Variants in DACH1 observed in about 807,000 individuals in gnomAD.
The protein encoded by DACH1 is dachshund family transcription factor 1, also known as dachshund homolog 1.
A neutral mutation model predicts 54.2 loss-of-function variants in DACH1; 12 were observed. The observed-to-expected ratio is 0.22, with a 90% CI of 0.14 to 0.36. The LOEUF (loss-of-function observed/expected upper bound fraction) is 0.36, where lower values mean the gene tolerates loss of function less well. Ranked by LOEUF, DACH1 falls within the 10% of genes least tolerant of loss-of-function variation. The pLI is 1.00. For synonymous variants in DACH1, 386 were observed against 366.2 expected, an observed-to-expected ratio of 1.05 and a Z score of -0.62; for missense variants, 805 against 929.8, an observed-to-expected ratio of 0.87 and a Z score of 1.75.
intron 1 of DACH1, among the ~76,000 whole-genome samples, chr13:71,803,577 T>C (rs911697891): frequency 6.6e-6 from 1 of 152,118 alleles, no homozygotes; most frequent in Non-Finnish European, 1.5e-5. Flanking sequence ...ATAGACAACT[T>C]ACCCTTATAT....
At chr13:71,812,127 A>G (rs1007321499) in intron 1 of DACH1, among the ~76,000 whole-genome samples, 2 of 152,118 alleles carry the variant, frequency 1.3e-5, no homozygotes, top group African/African-American at 4.8e-5. Flanking sequence ...TTATTAATAG[A>G]TTTTTCAATG....
chr13:71,641,982 A>C (rs1877941003), intron 2 of DACH1, among the ~76,000 whole-genome samples: 1 of 152,154 alleles, frequency 6.6e-6, no homozygotes, highest in Non-Finnish European at 1.5e-5. Flanking sequence ...TTTTTGCTGC[A>C]AAAAAATTAT....
chr13:71,775,751 T>A (rs1886038060), intron 1 of DACH1, among the ~76,000 whole-genome samples: 1 of 152,108 alleles, frequency 6.6e-6, no homozygotes, highest in South Asian at 2.1e-4. Context: ...GAATTTAAAT[T>A]TTTTGTTATT....
intron 1 of DACH1, among the ~76,000 whole-genome samples, chr13:71,694,690 T>C (rs1881729297): frequency 6.6e-6 from 1 of 152,236 alleles, no homozygotes; most frequent in African/African-American, 2.4e-5. Context: ...TCTCCTGGAA[T>C]ACTAGGCTGA....
At chr13:71,569,349 G>A (rs1011215942) in intron 4 of DACH1, among the ~76,000 whole-genome samples, 7 of 152,070 alleles carry the variant, frequency 4.6e-5, no homozygotes, top group African/African-American at 7.2e-5. Flanking sequence ...GTCTTTGCAT[G>A]TGAAAATAGC....
chr13:71,552,731 C>T (rs1299791078), intron 6 of DACH1, among the ~76,000 whole-genome samples: 2 of 137,250 alleles, frequency 1.5e-5, no homozygotes, highest in South Asian at 2.3e-4. Flanking sequence ...TTGAGGACTC[C>T]GGATGTTTGG....
chr13:71,548,600 T>G (rs1169832283), intron 6 of DACH1, among the ~76,000 whole-genome samples: 2 of 152,126 alleles, frequency 1.3e-5, no homozygotes, highest in Non-Finnish European at 2.9e-5. Flanking sequence ...TAAACAATGT[T>G]GGATTGTTAA....
intron 10 of DACH1, among the ~76,000 whole-genome samples, chr13:71,463,553 GGC>G (rs1242752468): frequency 6.6e-6 from 1 of 151,882 alleles, no homozygotes; most frequent in African/African-American, 2.4e-5. Context: ...TAGGAAGCAA[GGC>G]GTATGGAGAC....
rs146716881 is a variant in DACH1 at position 71,639,095 on chromosome 13, A to G, written c.965-8378T>C. 2.4e-3 allele frequency among the ~76,000 whole-genome samples: 360 copies of G among 152,284 alleles called. 1 individual carries two copies. The highest frequency in any genetic ancestry group is 4.6e-3 in the Admixed American group (71 of 15,276). On this transcript the variant is annotated intron_variant, in intron 2 of 10. Coordinates refer to ENST00000613252, the MANE Select transcript of DACH1 (RefSeq NM_080759.6). ...GTCTTAGAAGAACTCTTGGCTCAAT[A>G]TAACAATTTGAAAACACCAGTACCT...
intron 2 of DACH1, among the ~76,000 whole-genome samples, chr13:71,675,907 G>C (rs985338815): frequency 6.6e-6 from 1 of 151,936 alleles, no homozygotes; most frequent in Non-Finnish European, 1.5e-5. Context: ...ACTTTTCTGA[G>C]TTGTACTACA....
At chr13:71,477,181 C>T (rs751307105) in intron 8 of DACH1, among the ~76,000 whole-genome samples, 1 of 131,444 alleles carries the variant, frequency 7.6e-6, no homozygotes, top group African/African-American at 3.0e-5. Context: ...AGTGCAGTGG[C>T]GCGATCTTGG....
intron 1 of DACH1, among the ~76,000 whole-genome samples, chr13:71,745,032 A>G (rs1004348397): frequency 3.3e-5 from 5 of 152,178 alleles, no homozygotes; most frequent in Admixed American, 3.3e-4. Flanking sequence ...ATAAAGTGGC[A>G]ATAATATCAT....
intron 1 of DACH1, among the ~76,000 whole-genome samples, chr13:71,710,959 G>A (rs960642942): frequency 5.3e-4 from 80 of 151,824 alleles, no homozygotes; most frequent in African/African-American, 1.9e-3. Flanking sequence ...AGTTCACTGG[G>A]GCATGAATGG....
chr13:71,541,808 C>T (rs894437866), intron 6 of DACH1, among the ~76,000 whole-genome samples: 1 of 151,358 alleles, frequency 6.6e-6, no homozygotes, highest in Non-Finnish European at 1.5e-5. Flanking sequence ...TTTAAGGGTT[C>T]TAAAAATGAG....
intron 3 of DACH1, among the ~76,000 whole-genome samples, chr13:71,577,300 C>T (rs758888100): frequency 3.3e-5 from 5 of 152,256 alleles, no homozygotes; most frequent in African/African-American, 7.2e-5. Context: ...TGGAAACATC[C>T]GCAATCCTTG....
chr13:71,478,353 G>T (rs1314608697), intron 8 of DACH1, among the ~76,000 whole-genome samples: 1 of 152,132 alleles, frequency 6.6e-6, no homozygotes, highest in Non-Finnish European at 1.5e-5. Context: ...GGTAAATCCT[G>T]CTAGTTTAAA....
At chr13:71,605,696 T>G (rs1187765421) in intron 3 of DACH1, among the ~76,000 whole-genome samples, 2 of 151,946 alleles carry the variant, frequency 1.3e-5, no homozygotes, top group African/African-American at 4.8e-5. Flanking sequence ...AAATGAAAGA[T>G]TCTTCCTCTT....
chr13:71,766,820 T>C (rs1337718071), intron 1 of DACH1, among the ~76,000 whole-genome samples: 1 of 148,650 alleles, frequency 6.7e-6, no homozygotes, highest in Non-Finnish European at 1.5e-5. Context: ...AATGTGTCAG[T>C]TTCCTCCTGA....
intron 2 of DACH1, among the ~76,000 whole-genome samples, chr13:71,647,975 G>T (rs2138614987): frequency 6.6e-6 from 1 of 152,196 alleles, no homozygotes; most frequent in East Asian, 1.9e-4. Context: ...GAAAGTCTTG[G>T]TCCTTGTACA....
Sources: allele counts gnomAD v4.1 joint callset (sites outside exome capture counted in the v4.1 genomes callset), GRCh38; gene constraint gnomAD v4.1.1; transcripts MANE v1.5; gene names NCBI Gene and HGNC (gene_info 2026-07-23, HGNC 2026-07-21).